CFAP44: variants seen among roughly 807,000 people sequenced by gnomAD.
CFAP44 encodes the protein cilia- and flagella-associated protein 44.
Under a neutral mutation model 216.2 loss-of-function variants are expected in CFAP44, and 134 were observed. That is an observed-to-expected ratio of 0.62 (90% CI 0.54 to 0.72). The LOEUF is 0.72. Ranked by LOEUF, CFAP44 falls within the 30% of genes least tolerant of loss-of-function variation. The pLI is 0.00. For missense variants in CFAP44, 2,035 were observed against 2,182.1 expected (o/e 0.93, Z 1.34); for synonymous variants, 700 against 727.6 (o/e 0.96, Z 0.61).
intron 27 of CFAP44, 57 bp from the exon 28 acceptor site, chr3:113,326,697 G>A: frequency 9.0e-7 from 1 of 1,113,020 alleles, no homozygotes; most frequent in South Asian, 1.8e-5. Flanking sequence ...CAAGTTCAGA[G>A]AGCAATGTAC....
chr3:113,419,858 T>A (rs1934760792), intron 5 of CFAP44, among the ~76,000 whole-genome samples, 159 bp downstream of exon 5: 1 of 152,230 alleles, frequency 6.6e-6, no homozygotes, highest in African/African-American at 2.4e-5. Context: ...CTGTAATAAC[T>A]GAATTGAAAA....
chr3:113,435,483 T>C (rs58248101), intron 1 of CFAP44, among the ~76,000 whole-genome samples: 6,074 of 152,168 alleles, frequency 0.04, 184 homozygotes, highest in African/African-American at 0.075. Context: ...TACCTCCCAC[T>C]GGGTCCCTCC....
At chr3:113,345,358 T>C (rs1463949017) in intron 22 of CFAP44, among the ~76,000 whole-genome samples, 1 of 152,096 alleles carries the variant, frequency 6.6e-6, no homozygotes, top group African/African-American at 2.4e-5. Context: ...GTTTTAAAAA[T>C]ACATTTTGTT....
chr3:113,404,014 C>A lies in CFAP44; in HGVS notation c.1008G>T (p.Val336=). Residue 336 remains valine, a splice_region_variant and synonymous_variant, in exon 9 of 35, where the codon GTG becomes GTT. Transcript: ENST00000393845. Reference sequence around the variant, plus strand: ...TGTTGCCCCATTCTGACCCTGAGAGCACCTGGCAGGTATGTGGAAAAAAGA... The same window carrying A: ...TGTTGCCCCATTCTGACCCTGAGAGAACCTGGCAGGTATGTGGAAAAAAGA... The part of the protein sequence containing the change: ...EGYMELPDGK[V]LSGSEWGNML... The A allele has an allele frequency of 1.9e-6, 3 of 1,611,904 alleles. No homozygotes were observed. Among genetic ancestry groups the A allele is most frequent in the African/African-American group, 1.3e-5 (1 of 74,960 alleles).
rs898887791 is a variant in CFAP44, at chr3:113,287,271, A to T, written c.*4286T>A. On this transcript the variant is annotated 3_prime_UTR_variant, in exon 35 of 35. Transcript: ENST00000393845. ...ACGGTATCACAGCCTGGAGACACCC[A>T]CACAGATGGCTGGATCCGGTGCTAC... is the stretch of plus-strand genomic sequence containing the variant. 3.1e-6 allele frequency: 1 copy of T among 323,890 alleles called. No homozygotes were observed. Among genetic ancestry groups the T allele is most frequent in the African/African-American group, 2.2e-5 (1 of 45,918 alleles). 20.1% of individuals were successfully genotyped at this position (323,890 alleles called of 1,614,324 possible). A position where few individuals can be genotyped will look rare whatever the true frequency, so the allele number is the denominator to read the frequency against.
chr3:113,392,691 T>A (rs79682796), intron 15 of CFAP44, among the ~76,000 whole-genome samples: 1,713 of 151,652 alleles, frequency 0.011, 26 homozygotes, highest in Middle Eastern at 0.045. Context: ...ATATCTACCA[T>A]GTATCCACAA....
At chr3:113,350,277 A>G (rs994805207) in intron 22 of CFAP44, among the ~76,000 whole-genome samples, 2 of 152,080 alleles carry the variant, frequency 1.3e-5, no homozygotes, top group Non-Finnish European at 2.9e-5. Flanking sequence ...AGAGACAGAC[A>G]AAGAAGGAGT....
At position 113,296,807 on chromosome 3, in the gene CFAP44, G is replaced by A; in HGVS notation, c.5156C>T (p.Ser1719Phe). 2 of 1,537,628 alleles carry A rather than the reference G, an allele frequency of 1.3e-6. No homozygotes were observed. The highest frequency in any genetic ancestry group is 4.9e-5 in the East Asian group (2 of 40,914). Residue 1719 changes from serine (S) to phenylalanine (F), a missense_variant, in exon 33 of 35, where the codon TCT (serine) becomes TTT (phenylalanine). Coordinates refer to ENST00000393845, the MANE Select transcript of CFAP44 (RefSeq NM_001164496.2). ...CAGTTCTTCAAGTGTTGTATTAACAGAAAGCGTTTGAAGGGCTTCTAGATT... is the reference window on the plus strand; with the variant it reads ...CAGTTCTTCAAGTGTTGTATTAACAAAAAGCGTTTGAAGGGCTTCTAGATT... ...VVNLEALQTL[S>F]VNTTLEELKI...
At chr3:113,424,503 T>C (rs1333897299) in intron 4 of CFAP44, among the ~76,000 whole-genome samples, 3 of 152,110 alleles carry the variant, frequency 2.0e-5, no homozygotes, top group Non-Finnish European at 4.4e-5. Context: ...CTAATAATCA[T>C]TAAAGGGTTA....
At chr3:113,335,638 C>A (rs1950275791) in intron 24 of CFAP44, among the ~76,000 whole-genome samples, 1 of 152,122 alleles carries the variant, frequency 6.6e-6, no homozygotes, top group African/African-American at 2.4e-5. Flanking sequence ...ACTGGAGAGA[C>A]CTTGTTGAGT....
At chr3:113,298,990 G>A (rs2107788645) in intron 32 of CFAP44, among the ~76,000 whole-genome samples, 1 of 152,190 alleles carries the variant, frequency 6.6e-6, no homozygotes, top group African/African-American at 2.4e-5. Context: ...TAAATGTTAT[G>A]ATATGTACAT....
intron 6 of CFAP44, among the ~76,000 whole-genome samples, chr3:113,411,360 A>C (rs376905113): frequency 0.029 from 4,353 of 152,296 alleles, 108 homozygotes; most frequent in East Asian, 0.099. Context: ...AGCTTTCTAC[A>C]TATGGCTAGC....
At chr3:113,409,050 C>A in intron 7 of CFAP44, 56 bp downstream of exon 7, 5 of 917,326 alleles carry the variant, frequency 5.5e-6, no homozygotes, top group Non-Finnish European at 8.1e-6. Context: ...CTTAGATCCT[C>A]TTAGAAAAAT....
At chr3:113,320,264 A>T (rs1328470453) in intron 28 of CFAP44, among the ~76,000 whole-genome samples, 1 of 151,350 alleles carries the variant, frequency 6.6e-6, no homozygotes, top group Admixed American at 6.6e-5. Context: ...CAATATATAT[A>T]GATCTATATT....
rs1934208828 is a variant in CFAP44 at position 113,403,953 on chromosome 3, G to A, written c.1069C>T (p.Leu357Phe). 6.2e-7 allele frequency: 1 copy of A among 1,614,030 alleles called. No homozygotes were observed. Among genetic ancestry groups the A allele is most frequent in the African/African-American group, 1.3e-5 (1 of 74,922 alleles). The change falls in exon 9 of 35, where the codon CTC (leucine) becomes TTC (phenylalanine). Residue 357 changes from leucine to phenylalanine, a missense_variant. Leu to Phe is a conservative substitution (Grantham distance 22, BLOSUM62 0). Coordinates refer to ENST00000393845, the MANE Select transcript of CFAP44 (RefSeq NM_001164496.2). ...CATGACTTGCTTGTCCCTCGACAGA[G>A]CTCCACTTTGATCAGACCACCTTCC... is the stretch of plus-strand genomic sequence containing the variant. ...LWEGGLIKVELCRGTSKSCHN... is the reference protein window; with the variant it reads ...LWEGGLIKVEFCRGTSKSCHN...
chr3:113,437,308 A>G (rs1367967297), intron 1 of CFAP44, among the ~76,000 whole-genome samples: 2 of 152,190 alleles, frequency 1.3e-5, no homozygotes, highest in Admixed American at 1.3e-4. Context: ...TTAACATACT[A>G]TAACTGAACG....
chr3:113,379,298 T>C lies in CFAP44; in HGVS notation c.2298+8A>G, dbSNP rs778393254. On this transcript the variant is annotated splice_region_variant and intron_variant, in intron 17 of 34. Coordinates refer to ENST00000393845, the MANE Select transcript of CFAP44 (RefSeq NM_001164496.2). ...GATTGAGGTAAAAATTATTACATTG[T>C]TACTTACCAAAGAAACCCAGAACTT... 3.9e-6 allele frequency: 6 copies of C among 1,543,948 alleles called. No homozygotes were observed. The highest frequency in any genetic ancestry group is 5.3e-6 in the Non-Finnish European group (6 of 1,141,956).
At chr3:113,412,379 A>G (rs1008542024) in intron 6 of CFAP44, among the ~76,000 whole-genome samples, 7 of 151,856 alleles carry the variant, frequency 4.6e-5, no homozygotes, top group Non-Finnish European at 7.4e-5. Context: ...CCCCTTTTCC[A>G]TGACAATTCC....
At chr3:113,342,700 T>C (rs141478548) in intron 23 of CFAP44, among the ~76,000 whole-genome samples, 103 of 152,256 alleles carry the variant, frequency 6.8e-4, no homozygotes, top group African/African-American at 2.4e-3. Flanking sequence ...TTAAAAATTA[T>C]TGGCTTTATG....
Sources: gnomAD v4.1 joint callset for allele counts (sites outside exome capture counted in the v4.1 genomes callset) on GRCh38, gnomAD v4.1.1 for gene constraint, MANE v1.5 for transcripts, NCBI Gene and HGNC (gene_info 2026-07-23, HGNC 2026-07-21) for gene names.